ANKRD45: variants seen among roughly 807,000 people sequenced by gnomAD.
The protein encoded by ANKRD45 is ankyrin repeat domain-containing protein 45.
In ANKRD45, 21 loss-of-function variants were observed where a neutral mutation model predicts 28.1. That is an observed-to-expected ratio of 0.75 (90% CI 0.53 to 1.08). ANKRD45 has a LOEUF of 1.08. Ranked by LOEUF, ANKRD45 falls within the 50% of genes least tolerant of loss-of-function variation. ANKRD45 has a pLI of 0.00. For synonymous variants in ANKRD45, 86 were observed against 103.9 expected (o/e 0.83, Z 1.05); for missense variants, 261 against 308.7 (o/e 0.85, Z 1.16).
intron 3 of ANKRD45, among the ~76,000 whole-genome samples, chr1:173,645,198 C>T (rs2102357511): frequency 6.6e-6 from 1 of 152,276 alleles, no homozygotes; most frequent in East Asian, 1.9e-4. Context: ...CAAAGCACAA[C>T]TCATCTCTTT....
At chr1:173,663,246 G>C (rs894186056) in intron 1 of ANKRD45, among the ~76,000 whole-genome samples, 2 of 152,144 alleles carry the variant, frequency 1.3e-5, no homozygotes, top group Admixed American at 1.3e-4. Flanking sequence ...GCCCATCAGG[G>C]GATCTATCCT....
chr1:173,643,592 T>A (rs188769139), intron 3 of ANKRD45, among the ~76,000 whole-genome samples: 1 of 152,160 alleles, frequency 6.6e-6, no homozygotes, highest in Non-Finnish European at 1.5e-5. Flanking sequence ...ATTTTCAGTA[T>A]AATAAATGAT....
At chr1:173,627,884 G>T (rs962024937) in intron 3 of ANKRD45, among the ~76,000 whole-genome samples, 1 of 151,724 alleles carries the variant, frequency 6.6e-6, no homozygotes, top group African/African-American at 2.4e-5. Context: ...TGCTTGAGGA[G>T]AAGAGAGGCA....
intron 5 of ANKRD45, among the ~76,000 whole-genome samples, chr1:173,611,576 TACACACACAC>T (rs57884253): frequency 0.1 from 13,735 of 133,930 alleles, 719 homozygotes; most frequent in East Asian, 0.27. Flanking sequence ...AATACATACA[TACACACACAC>T]ACACACACAC....
the ANKRD45 span, among the ~76,000 whole-genome samples, chr1:173,712,600 C>T: frequency 5.9e-5 from 9 of 152,294 alleles, no homozygotes; most frequent in South Asian, 1.9e-3. Flanking sequence ...TAGCATACAA[C>T]CCAGCAATTT....
At chr1:173,611,370 G>C (rs1667140966) in intron 5 of ANKRD45, among the ~76,000 whole-genome samples, 2 of 152,160 alleles carry the variant, frequency 1.3e-5, no homozygotes, top group South Asian at 4.1e-4. Context: ...TCCTAGGAGA[G>C]TGCTATGTGT....
At chr1:173,630,062 T>C (rs1303284148) in intron 3 of ANKRD45, among the ~76,000 whole-genome samples, 1 of 152,188 alleles carries the variant, frequency 6.6e-6, no homozygotes. Context: ...AGTGTATCCA[T>C]GAAAATATCC....
At chr1:173,694,722 C>A in the ANKRD45 span, among the ~76,000 whole-genome samples, 1 of 152,084 alleles carries the variant, frequency 6.6e-6, no homozygotes, top group Non-Finnish European at 1.5e-5. Flanking sequence ...ACCCACTCTT[C>A]CCCCTTCAGG....
chr1:173,691,242 G>A, the ANKRD45 span, among the ~76,000 whole-genome samples: 1 of 152,040 alleles, frequency 6.6e-6, no homozygotes, highest in Middle Eastern at 3.2e-3. Flanking sequence ...TTTTTGTTTT[G>A]GTTTGGTTTT....
At chr1:173,642,554 C>A (rs1303629916) in intron 3 of ANKRD45, among the ~76,000 whole-genome samples, 6 of 152,172 alleles carry the variant, frequency 3.9e-5, no homozygotes, top group Non-Finnish European at 8.8e-5. Flanking sequence ...TACTCAAAGA[C>A]CTGTGCTAAT....
At chr1:173,634,303 C>T (rs1048949051) in intron 3 of ANKRD45, among the ~76,000 whole-genome samples, 1 of 151,770 alleles carries the variant, frequency 6.6e-6, no homozygotes, top group African/African-American at 2.4e-5. Flanking sequence ...TAGCACTCCA[C>T]AGATACAGAC....
the ANKRD45 span, among the ~76,000 whole-genome samples, chr1:173,700,360 C>T: frequency 9.2e-5 from 14 of 152,158 alleles, no homozygotes; most frequent in African/African-American, 3.4e-4. Context: ...GCTTGCATTG[C>T]CAAGACAGTC....
chr1:173,613,319 C>T (rs1451106418), intron 5 of ANKRD45, among the ~76,000 whole-genome samples: 8 of 151,830 alleles, frequency 5.3e-5, no homozygotes, highest in Admixed American at 1.3e-4. Flanking sequence ...GACCAGCAGC[C>T]GCCCCGTCTG....
chr1:173,618,835 A>G (rs762906472), intron 5 of ANKRD45, among the ~76,000 whole-genome samples: 9 of 152,186 alleles, frequency 5.9e-5, no homozygotes, highest in Non-Finnish European at 1.2e-4. Context: ...ACACATAATC[A>G]TCAGATTCTC....
chr1:173,699,910 A>G, the ANKRD45 span, among the ~76,000 whole-genome samples: 1 of 152,194 alleles, frequency 6.6e-6, no homozygotes, highest in African/African-American at 2.4e-5. Flanking sequence ...ATGATTGTAT[A>G]TTTAGAAAAC....
At chr1:173,664,566 C>T (rs1265665209) in intron 1 of ANKRD45, among the ~76,000 whole-genome samples, 1 of 152,200 alleles carries the variant, frequency 6.6e-6, no homozygotes, top group East Asian at 1.9e-4. Flanking sequence ...TATAAGCCCA[C>T]TTTCTTCCTA....
At chr1:173,619,715 C>T (rs898658014) in intron 5 of ANKRD45, among the ~76,000 whole-genome samples, 1 of 151,888 alleles carries the variant, frequency 6.6e-6, no homozygotes, top group Admixed American at 6.6e-5. Flanking sequence ...GTAATCCCAG[C>T]CACTCGGGAG....
At chr1:173,698,858 T>C in the ANKRD45 span, among the ~76,000 whole-genome samples, 1 of 145,894 alleles carries the variant, frequency 6.9e-6, no homozygotes, top group Non-Finnish European at 1.5e-5. Context: ...AAAAAACCCT[T>C]CAAAAAAATC....
At chr1:173,711,712 A>G in the ANKRD45 span, among the ~76,000 whole-genome samples, 1 of 152,234 alleles carries the variant, frequency 6.6e-6, no homozygotes, top group African/African-American at 2.4e-5. Flanking sequence ...CGAAGGGCAT[A>G]GTCTTACTCA....
Sources: gnomAD v4.1 joint callset for allele counts (sites outside exome capture counted in the v4.1 genomes callset) on GRCh38, gnomAD v4.1.1 for gene constraint, MANE v1.5 for transcripts, NCBI Gene and HGNC (gene_info 2026-07-23, HGNC 2026-07-21) for gene names.